Variants in PVT1 observed in about 807,000 individuals in gnomAD.
PVT1 encodes the protein CXCR4/PVT1 fusion.
intron 4 of PVT1, among the ~76,000 whole-genome samples, chr8:128,020,204 A>T (rs1423440447): frequency 6.6e-6 from 1 of 152,232 alleles, no homozygotes; most frequent in African/African-American, 2.4e-5. Context: ...CCCTCTAAAG[A>T]TGCCCATGCC....
intron 2 of PVT1, among the ~76,000 whole-genome samples, chr8:127,806,455 G>A (rs75608030): frequency 0.05 from 7,644 of 151,740 alleles, 258 homozygotes; most frequent in African/African-American, 0.087. Context: ...GAACGACTCC[G>A]TCTAAAAAAT....
intron 4 of PVT1, among the ~76,000 whole-genome samples, chr8:128,053,006 A>T (rs1813717033): frequency 6.6e-6 from 1 of 152,170 alleles, no homozygotes; most frequent in African/African-American, 2.4e-5. Flanking sequence ...TCTAGTAACC[A>T]CCCCAGCAAA....
At chr8:128,098,445 T>C (rs1814456173) in intron 6 of PVT1, among the ~76,000 whole-genome samples, 1 of 151,706 alleles carries the variant, frequency 6.6e-6, no homozygotes, top group Admixed American at 6.6e-5. Flanking sequence ...CCTTGTCCCC[T>C]CCCCACCCCA....
intron 3 of PVT1, among the ~76,000 whole-genome samples, chr8:127,983,463 T>C (rs1385003483): frequency 6.6e-6 from 1 of 152,224 alleles, no homozygotes; most frequent in Non-Finnish European, 1.5e-5. Flanking sequence ...CCTCTTGTTC[T>C]GTAGCTTGTG....
At chr8:128,041,725 G>T (rs1461780041) in intron 4 of PVT1, among the ~76,000 whole-genome samples, 1 of 152,048 alleles carries the variant, frequency 6.6e-6, no homozygotes, top group Non-Finnish European at 1.5e-5. Context: ...TTTAGTATGT[G>T]TGTGTTTGTA....
intron 2 of PVT1, chr8:127,855,148 C>T (rs1031158960): frequency 5.5e-5 from 22 of 398,584 alleles, no homozygotes; most frequent in Non-Finnish European, 9.3e-5. Context: ...CTGGAATCTT[C>T]CCTAAGGACC....
intron 4 of PVT1, among the ~76,000 whole-genome samples, chr8:128,006,722 G>A (rs2130027994): frequency 6.6e-6 from 1 of 152,060 alleles, no homozygotes; most frequent in South Asian, 2.1e-4. Flanking sequence ...CTTTTATATT[G>A]AAAAAATGCA....
rs139392421 is a variant in PVT1, at chr8:127,956,399, G to A, written n.783-32763G>A. On this transcript the variant is annotated intron_variant and non_coding_transcript_variant, in intron 3 of 10. Transcript: ENST00000651587. ...TAGGGACAGATAGGGAGCTGTTGCA[G>A]GAGAAAGAACTGCCACCTCTTTTCC... 2.8e-3 allele frequency among the ~76,000 whole-genome samples: 422 copies of A among 152,360 alleles called. 2 individuals are homozygous for A. The highest frequency in any genetic ancestry group is 0.02 in the East Asian group (105 of 5,186).
intron 2 of PVT1, among the ~76,000 whole-genome samples, chr8:127,799,604 C>T (rs2130187240): frequency 6.6e-6 from 1 of 152,114 alleles, no homozygotes; most frequent in East Asian, 1.9e-4. Context: ...TGTCAGGGAG[C>T]TGAGGAGTGT....
At chr8:128,026,228 C>T (rs1817491604) in intron 4 of PVT1, among the ~76,000 whole-genome samples, 1 of 152,202 alleles carries the variant, frequency 6.6e-6, no homozygotes, top group Non-Finnish European at 1.5e-5. Flanking sequence ...CAGGCGTGAG[C>T]CACCGCACCC....
chr8:128,025,999 C>T (rs7815275), intron 4 of PVT1, among the ~76,000 whole-genome samples: 2,516 of 151,958 alleles, frequency 0.017, 68 homozygotes, highest in African/African-American at 0.057. Flanking sequence ...TTGTCCAGGC[C>T]GGAGTGCAAT....
chr8:127,844,531 C>T (rs1815009442), intron 2 of PVT1, among the ~76,000 whole-genome samples: 2 of 152,124 alleles, frequency 1.3e-5, no homozygotes, highest in African/African-American at 4.8e-5. Flanking sequence ...AAAGATGCAA[C>T]TCATGCCACC....
At chr8:127,914,159 G>GC (rs2078216149) in intron 3 of PVT1, among the ~76,000 whole-genome samples, 1 of 149,478 alleles carries the variant, frequency 6.7e-6, no homozygotes, top group African/African-American at 2.5e-5. Context: ...ATGAAAAGAT[G>GC]CTCAGTAGCC....
intron 4 of PVT1, among the ~76,000 whole-genome samples, chr8:128,029,379 C>T (rs1320608880): frequency 6.6e-6 from 1 of 152,194 alleles, no homozygotes; most frequent in Non-Finnish European, 1.5e-5. Context: ...CTGCCTACCT[C>T]ATCCTCCCAA....
intron 3 of PVT1, among the ~76,000 whole-genome samples, chr8:127,958,581 G>A (rs1816599512): frequency 1.3e-5 from 2 of 152,160 alleles, no homozygotes; most frequent in Non-Finnish European, 2.9e-5. Context: ...GGGAAGACAG[G>A]GCAGGTTGAA....
chr8:128,085,097 C>G (rs890142650), intron 5 of PVT1, among the ~76,000 whole-genome samples: 2 of 152,326 alleles, frequency 1.3e-5, no homozygotes, highest in Middle Eastern at 3.4e-3. Flanking sequence ...CTTTATGCAG[C>G]TCCTGCCTGG....
At chr8:127,823,037 G>T (rs1222522491) in intron 2 of PVT1, among the ~76,000 whole-genome samples, 1 of 152,210 alleles carries the variant, frequency 6.6e-6, no homozygotes, top group African/African-American at 2.4e-5. Context: ...AGAGAAGAAA[G>T]ATTGCTATTT....
At chr8:128,028,952 C>T (rs890765269) in intron 4 of PVT1, among the ~76,000 whole-genome samples, 9 of 152,164 alleles carry the variant, frequency 5.9e-5, no homozygotes, top group African/African-American at 1.9e-4. Flanking sequence ...AAGCAATCCT[C>T]CCACCTCAGC....
chr8:127,795,332 A>T (rs536169641), intron 1 of PVT1, among the ~76,000 whole-genome samples: 6 of 152,190 alleles, frequency 3.9e-5, no homozygotes, highest in Non-Finnish European at 8.8e-5. Flanking sequence ...TATTTATGCC[A>T]GTGTTTGTGG....
Sources: gnomAD v4.1 joint callset for allele counts (sites outside exome capture counted in the v4.1 genomes callset) on GRCh38, gnomAD v4.1.1 for gene constraint, MANE v1.5 for transcripts, NCBI Gene and HGNC (gene_info 2026-07-23, HGNC 2026-07-21) for gene names.